The following ICA1L variants were observed in gnomAD, a reference collection of about 807,000 sequenced individuals.
ICA1L encodes the protein islet cell autoantigen 1-like protein.
In ICA1L, 50 loss-of-function variants were observed where a neutral mutation model predicts 61.3. That is an observed-to-expected ratio of 0.82 (90% CI 0.65 to 1.03). The LOEUF (loss-of-function observed/expected upper bound fraction) is 1.03, where lower values mean the gene tolerates loss of function less well. Among genes scored for constraint, ICA1L ranks in the 50% least tolerant of loss-of-function variants. The pLI is 0.00. For synonymous variants in ICA1L, 161 were observed against 191.3 expected (o/e 0.84, Z 1.31); for missense variants, 508 against 556.7 (o/e 0.91, Z 0.88).
intron 1 of ICA1L, among the ~76,000 whole-genome samples, chr2:202,836,584 T>C (rs915148615): frequency 2.0e-5 from 3 of 152,098 alleles, no homozygotes; most frequent in African/African-American, 7.2e-5. Context: ...TTGGTTTTAA[T>C]TGTCTAAATG....
At chr2:202,863,800 C>T (rs1264771685) in intron 1 of ICA1L, among the ~76,000 whole-genome samples, 3 of 148,190 alleles carry the variant, frequency 2.0e-5, no homozygotes, top group Non-Finnish European at 4.4e-5. Flanking sequence ...GCAGTCCAGC[C>T]TGGGCAAAAG....
At chr2:202,840,863 C>A in intron 1 of ICA1L, 1 of 644,574 alleles carries the variant, frequency 1.6e-6, no homozygotes. Context: ...CATCCCAGAT[C>A]TCAGTCTTTG....
intron 10 of ICA1L, among the ~76,000 whole-genome samples, chr2:202,795,068 CTTTTCT>C (rs1692882765): frequency 1.6e-5 from 2 of 121,790 alleles, no homozygotes; most frequent in Non-Finnish European, 3.3e-5. Flanking sequence ...AGAAAGTTTC[CTTTTCT>C]TTTTTTTTTT....
In ICA1L at chr2:202,825,698, TG is replaced by T; in HGVS notation, c.231del (p.Asn78MetfsTer10). 1 of 1,484,682 alleles carries T rather than the reference TG, an allele frequency of 6.7e-7. No individual in the cohort carries two copies. The highest frequency in any genetic ancestry group is 9.4e-7 in the Non-Finnish European group (1 of 1,067,900). The allele number at this position is 1,484,682 out of a possible 1,614,324, so 92.0% of individuals were successfully genotyped here. A position where few individuals can be genotyped will look rare whatever the true frequency, so the allele number is the denominator to read the frequency against. On this transcript the variant is annotated frameshift_variant, in exon 3 of 13. Coordinates refer to ENST00000358299, the MANE Select transcript of ICA1L (RefSeq NM_001288622.3). LOFTEE classifies it high-confidence loss of function. ...LKIIEKYQLR[L>X]NVISEEENEL... ...ATAGATAACTATGATTTCATACCAT[TG>T]AGTCTTAGCTGGTATTTCTCGATTA...
intron 1 of ICA1L, among the ~76,000 whole-genome samples, chr2:202,867,440 G>A (rs1418625746): frequency 6.6e-6 from 1 of 152,126 alleles, no homozygotes; most frequent in African/African-American, 2.4e-5. Flanking sequence ...ACTGAATACT[G>A]TAGGCAACTG....
chr2:202,870,548 C>G (rs1283044622), intron 1 of ICA1L: 1 of 152,140 alleles, frequency 6.6e-6, no homozygotes, highest in South Asian at 2.1e-4. Flanking sequence ...GATGTTTACT[C>G]GGCCAGTAAA....
chr2:202,840,874 C>T, intron 1 of ICA1L: 1 of 651,754 alleles, frequency 1.5e-6, no homozygotes, highest in South Asian at 1.5e-5. Flanking sequence ...TCAGTCTTTG[C>T]ATGCCGCAGG....
intron 10 of ICA1L, among the ~76,000 whole-genome samples, chr2:202,792,861 C>T (rs570490933): frequency 6.6e-6 from 1 of 152,138 alleles, no homozygotes; most frequent in African/African-American, 2.4e-5. Context: ...ATGGATGACT[C>T]CAAAAACCAT....
chr2:202,785,020 C>G (rs1692535629), intron 12 of ICA1L, among the ~76,000 whole-genome samples: 1 of 151,796 alleles, frequency 6.6e-6, no homozygotes, highest in Non-Finnish European at 1.5e-5. Context: ...GAGATCGAGA[C>G]CATCCTGGGT....
At chr2:202,861,624 C>A (rs1330253805) in intron 1 of ICA1L, among the ~76,000 whole-genome samples, 1 of 151,682 alleles carries the variant, frequency 6.6e-6, no homozygotes, top group Non-Finnish European at 1.5e-5. Flanking sequence ...CAGTGGCTCA[C>A]ACCTGTAATC....
chr2:202,829,124 G>A, intron 1 of ICA1L, 108 bp from the exon 2 acceptor site: 7 of 769,136 alleles, frequency 9.1e-6, no homozygotes, highest in East Asian at 5.9e-5. Context: ...TGAGGCGAGC[G>A]GATCACGCGG....
chr2:202,809,512 G>T (rs1303476842), intron 9 of ICA1L, among the ~76,000 whole-genome samples: 1 of 152,064 alleles, frequency 6.6e-6, no homozygotes, highest in Admixed American at 6.6e-5. Context: ...ACCTGGCATG[G>T]TAGTGCATGC....
At chr2:202,859,609 G>A (rs1309654643) in intron 1 of ICA1L, among the ~76,000 whole-genome samples, 2 of 152,058 alleles carry the variant, frequency 1.3e-5, no homozygotes, top group Non-Finnish European at 2.9e-5. Flanking sequence ...CATTCAATGA[G>A]TCCCACAAAT....
In ICA1L at chr2:202,779,040, T is replaced by A. The variant is rs1184548140; in HGVS notation, c.*493A>T. On this transcript the variant is annotated 3_prime_UTR_variant, in exon 13 of 13. Coordinates refer to ENST00000358299, the MANE Select transcript of ICA1L (RefSeq NM_001288622.3). ...TAACCCAAAACAAAGCTGGTCTGGT[T>A]CTAATGGTGTTTTCCAAAACAGAAA... The A allele has an allele frequency of 3.9e-5, 6 of 152,578 alleles. No individual in the cohort carries two copies. In the East Asian group the frequency reaches 1.2e-3, roughly 29 times the overall value. The allele number at this position is 152,578 out of a possible 1,614,324, so 9.5% of individuals were successfully genotyped here.
intron 1 of ICA1L, among the ~76,000 whole-genome samples, chr2:202,839,498 C>CAA (rs59202140): frequency 2.4e-4 from 6 of 25,402 alleles, no homozygotes; most frequent in Non-Finnish European, 3.4e-4. Flanking sequence ...GACTCCGTCT[C>CAA]AAAAAAAAAA....
intron 1 of ICA1L, among the ~76,000 whole-genome samples, chr2:202,863,014 T>C (rs924427932): frequency 2.7e-5 from 4 of 149,032 alleles, no homozygotes; most frequent in Non-Finnish European, 6.0e-5. Flanking sequence ...AAAAAAAGGC[T>C]GGCACGGTGG....
intron 9 of ICA1L, among the ~76,000 whole-genome samples, chr2:202,805,967 C>G (rs181713606): frequency 5.1e-4 from 78 of 152,282 alleles, no homozygotes; most frequent in African/African-American, 1.8e-3. Context: ...GTTAGGTATA[C>G]GAGTTCATGA....
chr2:202,808,773 G>A (rs761946528), intron 9 of ICA1L, among the ~76,000 whole-genome samples: 6 of 152,170 alleles, frequency 3.9e-5, no homozygotes, highest in Non-Finnish European at 7.3e-5. Flanking sequence ...AGACCACCAC[G>A]GCAGTATCTC....
intron 1 of ICA1L, among the ~76,000 whole-genome samples, chr2:202,863,177 A>C (rs1182883768): frequency 6.6e-6 from 1 of 152,110 alleles, no homozygotes; most frequent in Non-Finnish European, 1.5e-5. Flanking sequence ...CTGTAATCCC[A>C]GCTACTTGGG....
Sources: gnomAD v4.1 joint callset for allele counts (sites outside exome capture counted in the v4.1 genomes callset) on GRCh38, gnomAD v4.1.1 for gene constraint, MANE v1.5 for transcripts, NCBI Gene and HGNC (gene_info 2026-07-23, HGNC 2026-07-21) for gene names.